Variants in CEP250 observed in about 807,000 individuals in gnomAD.
CEP250 encodes centrosome-associated protein CEP250.
CEP250 carries 242 observed loss-of-function variants against 315.7 expected under a neutral mutation model. The observed-to-expected ratio is 0.77, with a 90% CI of 0.69 to 0.85. The LOEUF is 0.85. Ranked by LOEUF, CEP250 falls within the 40% of genes least tolerant of loss-of-function variation. The pLI is 0.00. For synonymous variants in CEP250, 1,088 were observed against 1,175.0 expected, an observed-to-expected ratio of 0.93 and a Z score of 1.51; for missense variants, 2,515 against 2,886.4, an observed-to-expected ratio of 0.87 and a Z score of 2.95.
chr20:35,484,649 A>G (rs764690764), intron 20 of CEP250, among the ~76,000 whole-genome samples: 3 of 150,798 alleles, frequency 2.0e-5, no homozygotes, highest in East Asian at 1.9e-4. Context: ...GACTATCACT[A>G]TGTTGCTCAG....
chr20:35,494,572 C>T lies in CEP250; in HGVS notation c.3082C>T (p.Leu1028=). ...QLVAQDDSQR[L]VEQEVQEKLR... The stretch of plus-strand genomic sequence containing the variant: ...GGTGGCCCAGGATGACTCCCAGAGG[C>T]TGGTGGAGCAGGAGGTTCAGGAGAA... The change falls in exon 24 of 35, where the codon CTG becomes TTG. Residue 1028 remains leucine (L), a synonymous_variant. Transcript: ENST00000397527. The T allele has an allele frequency of 6.2e-7, 1 of 1,614,104 alleles. No individual in the cohort carries two copies.
chr20:35,465,589 G>A (rs796084450), intron 5 of CEP250, among the ~76,000 whole-genome samples, 154 bp from the exon 6 acceptor site: 8 of 152,312 alleles, frequency 5.3e-5, no homozygotes, highest in African/African-American at 1.9e-4. Flanking sequence ...TACTTTTGGA[G>A]TGAGGGATGC....
At position 35,504,182 on chromosome 20, in the gene CEP250, G is replaced by T. The variant is rs767687865; in HGVS notation, c.5813G>T (p.Arg1938Leu). Residue 1938 changes from arginine (R) to leucine (L), a missense_variant, in exon 30 of 35, where the codon CGG becomes CTG. Transcript: ENST00000397527. ...WLQAQAVLKERDQELEALRAE... is the reference protein window; with the variant it reads ...WLQAQAVLKELDQELEALRAE... Reference sequence around the variant, plus strand: ...CAGGCCCAGGCAGTGCTCAAGGAACGGGACCAGGAGCTGGAAGCTCTGCGG... The same window carrying T: ...CAGGCCCAGGCAGTGCTCAAGGAACTGGACCAGGAGCTGGAAGCTCTGCGG... 3.7e-6 allele frequency: 6 copies of T among 1,613,648 alleles called. No homozygotes were observed. The Admixed American group carries it at 8.3e-5, about 22-fold the overall frequency.
chr20:35,478,139 A>G, intron 17 of CEP250, 38 bp downstream of exon 17: 1 of 1,306,864 alleles, frequency 7.7e-7, no homozygotes, highest in East Asian at 2.3e-5. Flanking sequence ...GTCTAGGTGT[A>G]ATATATGCTC....
chr20:35,511,023 C>A (rs1267305400), intron 34 of CEP250, among the ~76,000 whole-genome samples: 2 of 152,098 alleles, frequency 1.3e-5, no homozygotes, highest in Non-Finnish European at 2.9e-5. Context: ...AGTGGTTATA[C>A]TTGAGTATAT....
At chr20:35,485,822 GTTTT>G (rs538827494) in intron 20 of CEP250, among the ~76,000 whole-genome samples, 3 of 115,418 alleles carry the variant, frequency 2.6e-5, no homozygotes, top group African/African-American at 1.0e-4. Flanking sequence ...GCCTGGCTAA[GTTTT>G]TTTTTTTTTT....
intron 20 of CEP250, among the ~76,000 whole-genome samples, chr20:35,487,067 C>G (rs2063533071): frequency 6.6e-6 from 1 of 152,136 alleles, no homozygotes. Flanking sequence ...GATTGTCCCA[C>G]TTTATTATTT....
At chr20:35,472,510 G>C (rs116438026) in intron 11 of CEP250, among the ~76,000 whole-genome samples, 163 bp from the exon 12 acceptor site, 19 of 152,324 alleles carry the variant, frequency 1.2e-4, no homozygotes, top group African/African-American at 4.3e-4. Context: ...AAGGTGGAGA[G>C]TTGAAGGAAC....
In CEP250 at chr20:35,467,433, G is replaced by A. The variant is rs747800327; in HGVS notation, c.729G>A (p.Pro243=). 3.3e-5 allele frequency: 53 copies of A among 1,614,058 alleles called. No homozygotes were observed. Among genetic ancestry groups the A allele is most frequent in the Non-Finnish European group, 4.1e-5 (48 of 1,180,022 alleles). ...NGSGRMDGRE[P]AQLLLLLAKT... ...CTGGAAGAATGGATGGGCGGGAGCCGGCCCAGCTGCTGCTGCTACTAGCCA... is the reference window on the plus strand; with the variant it reads ...CTGGAAGAATGGATGGGCGGGAGCCAGCCCAGCTGCTGCTGCTACTAGCCA... The change falls in exon 9 of 35, where the codon CCG becomes CCA. Residue 243 remains proline (P), a synonymous_variant. Transcript: ENST00000397527.
chr20:35,513,258 C>CTT lies in CEP250; in HGVS notation c.*1644_*1645dup, dbSNP rs34983410. 9.2e-3 allele frequency: 1,324 copies of CTT among 144,540 alleles called. 15 individuals are homozygous for CTT. Among genetic ancestry groups the CTT allele is most frequent in the African/African-American group, 0.031 (1,227 of 39,542 alleles). 9.0% of individuals were successfully genotyped at this position (144,540 alleles called of 1,614,324 possible). A position where few individuals can be genotyped will look rare whatever the true frequency, so the allele number is the denominator to read the frequency against. On this transcript the variant is annotated 3_prime_UTR_variant, in exon 35 of 35. Coordinates refer to ENST00000397527, the MANE Select transcript of CEP250 (RefSeq NM_007186.6). The stretch of plus-strand genomic sequence containing the variant: ...CTTTTAGGCCATTTATTTCTTTTTC[C>CTT]TTTTTTTTTTTTTGAGACAGAGTTT...
intron 20 of CEP250, among the ~76,000 whole-genome samples, chr20:35,480,542 T>G (rs2063317014): frequency 6.6e-6 from 1 of 152,058 alleles, no homozygotes; most frequent in African/African-American, 2.4e-5. Context: ...TTAGGTGTAT[T>G]TGGATTTATT....
At chr20:35,478,755 ATTTG>A (rs904277098) in intron 17 of CEP250, among the ~76,000 whole-genome samples, 1 of 152,146 alleles carries the variant, frequency 6.6e-6, no homozygotes, top group Admixed American at 6.5e-5. Context: ...GCTATATCTT[ATTTG>A]TTTTTATTTC....
intron 30 of CEP250, among the ~76,000 whole-genome samples, chr20:35,506,527 C>T (rs1298239945): frequency 6.6e-6 from 1 of 152,132 alleles, no homozygotes; most frequent in African/African-American, 2.4e-5. Flanking sequence ...AAAAGACGCC[C>T]AGTCCAATTT....
chr20:35,491,114 C>G, intron 21 of CEP250, 98 bp from the exon 22 acceptor site: 9 of 1,443,334 alleles, frequency 6.2e-6, no homozygotes, highest in East Asian at 2.5e-5. Context: ...TTCCCATTTG[C>G]TAGGAGAGCC....
At chr20:35,502,095 TG>T in intron 29 of CEP250, 129 bp downstream of exon 29, 1 of 1,104,684 alleles carries the variant, frequency 9.1e-7, no homozygotes, top group Non-Finnish European at 1.3e-6. Flanking sequence ...TCCATGTCCC[TG>T]GGGGCCATTA....
At chr20:35,483,029 AT>A (rs1210878769) in intron 20 of CEP250, among the ~76,000 whole-genome samples, 1 of 151,346 alleles carries the variant, frequency 6.6e-6, no homozygotes, top group Non-Finnish European at 1.5e-5. Flanking sequence ...TTTAAAATAA[AT>A]TTTTTTTTGG....
In CEP250 at chr20:35,510,066, AT is replaced by A. The variant is rs2064311669; in HGVS notation, c.7065+16del. On this transcript the variant is annotated intron_variant, in intron 34 of 34. Coordinates refer to ENST00000397527, the MANE Select transcript of CEP250 (RefSeq NM_007186.6). ...AACTGCAGAAAGAGGTATGTTCTGG[AT>A]TTTCTAAGCCCATATTCCCTCCCTT... 6.2e-7 allele frequency: 1 copy of A among 1,613,700 alleles called. No individual in the cohort carries two copies. The highest frequency in any genetic ancestry group is 8.5e-7 in the Non-Finnish European group (1 of 1,179,642).
chr20:35,509,955 T>C, intron 33 of CEP250, 43 bp from the exon 34 acceptor site: 2 of 1,581,666 alleles, frequency 1.3e-6, no homozygotes, highest in African/African-American at 2.7e-5. Context: ...AACCCCAGAG[T>C]GGGAAGGCCT....
chr20:35,457,125 T>C (rs2146622533), intron 1 of CEP250, among the ~76,000 whole-genome samples: 1 of 152,294 alleles, frequency 6.6e-6, no homozygotes, highest in Admixed American at 6.5e-5. Context: ...GTTAGCATTT[T>C]GCAAGACCAT....
Sources: gnomAD v4.1 joint callset for allele counts (sites outside exome capture counted in the v4.1 genomes callset) on GRCh38, gnomAD v4.1.1 for gene constraint, MANE v1.5 for transcripts, NCBI Gene and HGNC (gene_info 2026-07-23, HGNC 2026-07-21) for gene names.